The following CSMD3 variants were observed in gnomAD, a reference collection of about 807,000 sequenced individuals.
The protein encoded by CSMD3 is CUB and sushi domain-containing protein 3.
In CSMD3, 177 loss-of-function variants were observed where a neutral mutation model predicts 435.2. That is an observed-to-expected ratio of 0.41 (90% CI 0.36 to 0.46). The LOEUF is 0.46. CSMD3 is among the 20% of genes least tolerant of loss of function. The pLI is 0.34. For synonymous variants in CSMD3, 1,656 were observed against 1,520.5 expected (o/e 1.09, Z -2.07); for missense variants, 4,265 against 4,504.6 (o/e 0.95, Z 1.52).
chr8:112,563,797 T>C (rs1356478233), intron 24 of CSMD3, among the ~76,000 whole-genome samples: 4 of 152,194 alleles, frequency 2.6e-5, no homozygotes, highest in Admixed American at 1.3e-4. Flanking sequence ...GTTGTACAGC[T>C]TTCTAACTTG....
At chr8:112,497,480 A>AAT (rs34936636) in intron 30 of CSMD3, among the ~76,000 whole-genome samples, 2,392 of 144,632 alleles carry the variant, frequency 0.017, 22 homozygotes, top group South Asian at 0.037. Context: ...GTACTCCATA[A>AAT]ATATATATAT....
intron 13 of CSMD3, among the ~76,000 whole-genome samples, chr8:112,735,920 T>A (rs537598881): frequency 5.3e-5 from 8 of 152,158 alleles, no homozygotes; most frequent in African/African-American, 1.9e-4. Context: ...TCATGCATCA[T>A]CATCAAAATC....
At chr8:112,560,426 A>G (rs1200887818) in intron 24 of CSMD3, among the ~76,000 whole-genome samples, 1 of 151,758 alleles carries the variant, frequency 6.6e-6, no homozygotes, top group Admixed American at 6.6e-5. Context: ...ATGCTCAGTA[A>G]TGCTCAGTAA....
At chr8:112,546,937 C>A (rs1586654893) in intron 27 of CSMD3, among the ~76,000 whole-genome samples, 1 of 152,158 alleles carries the variant, frequency 6.6e-6, no homozygotes, top group African/African-American at 2.4e-5. Context: ...TACTTTGCAC[C>A]AAGTTTGGGG....
chr8:113,220,660 AGCC>A, intron 3 of CSMD3, among the ~76,000 whole-genome samples: 1 of 151,546 alleles, frequency 6.6e-6, no homozygotes, highest in Middle Eastern at 3.4e-3. Flanking sequence ...AGATTGGATC[AGCC>A]AAAAATTATC....
intron 25 of CSMD3, among the ~76,000 whole-genome samples, chr8:112,556,436 C>T (rs756816621): frequency 3.3e-5 from 5 of 151,824 alleles, no homozygotes; most frequent in Non-Finnish European, 7.4e-5. Flanking sequence ...CTGGCCAATG[C>T]AATTCAATAA....
intron 38 of CSMD3, among the ~76,000 whole-genome samples, chr8:112,365,468 C>T (rs1451634142): frequency 8.9e-6 from 1 of 112,650 alleles, no homozygotes; most frequent in African/African-American, 3.4e-5. Context: ...CATAGATTTC[C>T]TTTTTTTTTT....
chr8:113,211,288 C>G (rs1348734898), intron 3 of CSMD3, among the ~76,000 whole-genome samples: 2 of 152,090 alleles, frequency 1.3e-5, no homozygotes, highest in Non-Finnish European at 2.9e-5. Flanking sequence ...TCTAACTATA[C>G]AATGGCTAGT....
At chr8:113,285,614 C>A (rs976430831) in intron 2 of CSMD3, among the ~76,000 whole-genome samples, 14 of 152,088 alleles carry the variant, frequency 9.2e-5, no homozygotes, top group African/African-American at 3.4e-4. Context: ...TATTTCCCGA[C>A]TGGGAAAACT....
chr8:113,099,184 T>A (rs1211470232), intron 4 of CSMD3, among the ~76,000 whole-genome samples: 1 of 152,016 alleles, frequency 6.6e-6, no homozygotes, highest in African/African-American at 2.4e-5. Flanking sequence ...TTATAACAAT[T>A]AGTTGAAATA....
chr8:112,970,018 A>G (rs953277610), intron 7 of CSMD3, among the ~76,000 whole-genome samples: 2 of 152,098 alleles, frequency 1.3e-5, no homozygotes, highest in Non-Finnish European at 2.9e-5. Context: ...ATACTAGTCT[A>G]GGACTATCAA....
intron 38 of CSMD3, among the ~76,000 whole-genome samples, chr8:112,357,709 G>A (rs1420511110): frequency 6.6e-6 from 1 of 152,146 alleles, no homozygotes; most frequent in East Asian, 1.9e-4. Context: ...GTGGTGTTGA[G>A]CCTGAGAGTA....
chr8:113,214,368 A>G (rs2092876233), intron 3 of CSMD3, among the ~76,000 whole-genome samples: 1 of 151,974 alleles, frequency 6.6e-6, no homozygotes, highest in African/African-American at 2.4e-5. Context: ...GGGTTCATTC[A>G]TGCTAACTTT....
At chr8:112,414,050 T>A (rs1201812659) in intron 32 of CSMD3, among the ~76,000 whole-genome samples, 1 of 152,104 alleles carries the variant, frequency 6.6e-6, no homozygotes. Flanking sequence ...TGTTTCCTCT[T>A]AATAATTTTC....
chr8:112,281,164 A>G lies in CSMD3; in HGVS notation c.9508+10T>C, dbSNP rs1423153376. The G allele has an allele frequency of 6.3e-7, 1 of 1,590,582 alleles. No individual in the cohort carries two copies. The highest frequency in any genetic ancestry group is 1.3e-5 in the African/African-American group (1 of 74,444). On this transcript the variant is annotated intron_variant, in intron 59 of 70. Transcript: ENST00000297405. ...AATTACTGATTTTTAAATATTGAGA[A>G]TATACTTACTTGTACAGTTAGGTAA...
chr8:112,747,183 CT>C (rs71309787), intron 13 of CSMD3, among the ~76,000 whole-genome samples: 5 of 26,950 alleles, frequency 1.9e-4, no homozygotes, highest in African/African-American at 7.8e-4. Context: ...GCACACTTCC[CT>C]TTTTTTTTTT....
chr8:112,270,473 C>A (rs1478873383), intron 59 of CSMD3, among the ~76,000 whole-genome samples: 1 of 140,790 alleles, frequency 7.1e-6, no homozygotes, highest in Non-Finnish European at 1.6e-5. Flanking sequence ...AGGTAAAATT[C>A]TCAAAGGAAA....
chr8:112,343,023 A>G (rs978813561), intron 41 of CSMD3, among the ~76,000 whole-genome samples: 4 of 131,844 alleles, frequency 3.0e-5, no homozygotes, highest in Admixed American at 2.3e-4. Context: ...ATATTTATAT[A>G]TATATATATA....
At chr8:112,797,223 A>G (rs1264000046) in intron 13 of CSMD3, among the ~76,000 whole-genome samples, 1 of 151,926 alleles carries the variant, frequency 6.6e-6, no homozygotes, top group East Asian at 1.9e-4. Context: ...TTTTCAAACT[A>G]TATGTTTTGG....
Sources: allele counts gnomAD v4.1 joint callset (sites outside exome capture counted in the v4.1 genomes callset), GRCh38; gene constraint gnomAD v4.1.1; transcripts MANE v1.5; gene names NCBI Gene and HGNC (gene_info 2026-07-23, HGNC 2026-07-21).